Variants in NYX observed in about 807,000 individuals in gnomAD.
NYX encodes the protein leucine-rich repeat protein.
For missense variants in NYX, 481 were observed against 485.4 expected, an observed-to-expected ratio of 0.99 and a Z score of 0.09; for synonymous variants, 258 against 245.7, an observed-to-expected ratio of 1.05 and a Z score of -0.47.
chrX:41,470,732 ACT>A (rs762739389), intron 2 of NYX, among the ~76,000 whole-genome samples: 43 of 106,334 alleles, frequency 4.0e-4, no homozygotes, highest in African/African-American at 1.5e-3. Context: ...GCAGTATTTT[ACT>A]CTTTTTAAGT....
intron 2 of NYX, among the ~76,000 whole-genome samples, chrX:41,455,911 A>G (rs1318964069): frequency 8.9e-6 from 1 of 111,879 alleles, no homozygotes; most frequent in East Asian, 2.8e-4. Flanking sequence ...ATTTGGATTC[A>G]GCAAAACCAG....
At position 41,474,918 on chromosome X, in the gene NYX, A is replaced by T; in HGVS notation, c.*19A>T. The T allele has an allele frequency of 1.7e-6, 2 of 1,168,774 alleles. No homozygotes were observed. The highest frequency in any genetic ancestry group is 2.3e-6 in the Non-Finnish European group (2 of 864,316). ...GGACTGACCTGGCCAGAGGGGGGAA[A>T]GTTTGCTTAACTGGGCTTGAGTGTG... is the stretch of plus-strand genomic sequence containing the variant. On this transcript the variant is annotated 3_prime_UTR_variant, in exon 3 of 3. Transcript: ENST00000378220.
intron 2 of NYX, among the ~76,000 whole-genome samples, chrX:41,464,113 T>C (rs1209962410): frequency 1.0e-4 from 11 of 109,664 alleles, no homozygotes; most frequent in African/African-American, 3.0e-4. Context: ...CAAATTTTGC[T>C]TTTCATTCAG....
At chrX:41,467,831 T>A (rs190606662) in intron 2 of NYX, among the ~76,000 whole-genome samples, 2 of 110,063 alleles carry the variant, frequency 1.8e-5, no homozygotes, top group East Asian at 5.7e-4. Context: ...CTAATTTTTT[T>A]ATTTTTTATA....
At chrX:41,472,020 G>A (rs1374173073) in intron 2 of NYX, among the ~76,000 whole-genome samples, 13 of 110,432 alleles carry the variant, frequency 1.2e-4, no homozygotes, top group African/African-American at 4.3e-4. Context: ...CCATATTTCC[G>A]TAGAGTTCAG....
chrX:41,474,168 G>A lies in NYX; in HGVS notation c.700G>A (p.Asp234Asn). The A allele has an allele frequency of 8.7e-7, 1 of 1,152,476 alleles. No individual in the cohort carries two copies. Among genetic ancestry groups the A allele is most frequent in the Non-Finnish European group, 1.1e-6 (1 of 870,993 alleles). 95.0% of individuals were successfully genotyped at this position (1,152,476 alleles called of 1,213,427 possible). Residue 234 changes from aspartate (D) to asparagine (N), a missense_variant, in exon 3 of 3, where the codon GAC becomes AAC. Transcript: ENST00000378220. Reference protein sequence around the residue: ...CGVLEHLLLNDNLLAELPADA... With the variant: ...CGVLEHLLLNNNLLAELPADA... ...CGTCCTGGAGCATCTGCTGCTCAAC[G>A]ACAACCTGCTGGCCGAGCTCCCGGC... is the stretch of plus-strand genomic sequence containing the variant.
intron 2 of NYX, chrX:41,472,704 C>T: frequency 2.8e-6 from 1 of 351,738 alleles, no homozygotes; most frequent in South Asian, 7.6e-5. Context: ...TCCGCCGGCA[C>T]CCCGCAGTAG....
intron 2 of NYX, among the ~76,000 whole-genome samples, chrX:41,468,437 A>C (rs1211330611): frequency 9.1e-6 from 1 of 110,449 alleles, no homozygotes; most frequent in Non-Finnish European, 1.9e-5. Flanking sequence ...GACTACAGGC[A>C]CGCGCCACCA....
intron 2 of NYX, among the ~76,000 whole-genome samples, chrX:41,448,974 G>A (rs1177065064): frequency 1.8e-5 from 2 of 111,798 alleles, no homozygotes; most frequent in Non-Finnish European, 3.8e-5. Flanking sequence ...TGGAATTATA[G>A]GATTATGGAT....
At position 41,474,918 on chromosome X, in the gene NYX, A is replaced by G. The variant is rs2064384936; in HGVS notation, c.*19A>G. 1.7e-6 allele frequency: 2 copies of G among 1,168,770 alleles called. No individual in the cohort carries two copies. Among genetic ancestry groups the G allele is most frequent in the Non-Finnish European group, 2.3e-6 (2 of 864,313 alleles). On this transcript the variant is annotated 3_prime_UTR_variant, in exon 3 of 3. Transcript: ENST00000378220. ...GGACTGACCTGGCCAGAGGGGGGAA[A>G]GTTTGCTTAACTGGGCTTGAGTGTG...
intron 2 of NYX, among the ~76,000 whole-genome samples, chrX:41,451,409 G>A (rs2064279503): frequency 8.9e-6 from 1 of 111,946 alleles, no homozygotes; most frequent in African/African-American, 3.2e-5. Flanking sequence ...AACAAATTGA[G>A]GCACCTCTAT....
chrX:41,450,063 C>A (rs1286773291), intron 2 of NYX, among the ~76,000 whole-genome samples: 1 of 111,393 alleles, frequency 9.0e-6, no homozygotes, highest in Admixed American at 9.6e-5. Context: ...AAGAGAAATT[C>A]TCCTCTGGAC....
chrX:41,466,053 T>C (rs2064336837), intron 2 of NYX, among the ~76,000 whole-genome samples: 1 of 111,604 alleles, frequency 9.0e-6, no homozygotes, highest in Non-Finnish European at 1.9e-5. Flanking sequence ...CCAGCCACTG[T>C]GGCAGCTATA....
At chrX:41,468,290 ATTT>A (rs11408249) in intron 2 of NYX, among the ~76,000 whole-genome samples, 1,044 of 85,873 alleles carry the variant, frequency 0.012, 10 homozygotes, top group African/African-American at 0.036. Flanking sequence ...TTGACAAATA[ATTT>A]TTTTTTTTTT....
chrX:41,471,843 T>A (rs1458904177), intron 2 of NYX, among the ~76,000 whole-genome samples: 2 of 108,346 alleles, frequency 1.8e-5, no homozygotes, highest in East Asian at 2.9e-4. Flanking sequence ...ATTTTTTTTT[T>A]TTTTTCCCCT....
At chrX:41,473,399 C>A in intron 2 of NYX, 92 bp from the exon 3 acceptor site, 3 of 873,622 alleles carry the variant, frequency 3.4e-6, no homozygotes, top group Non-Finnish European at 4.2e-6. Flanking sequence ...CCCGGACAGG[C>A]AGGATTTTTC....
In NYX at chrX:41,473,613, C is replaced by T; in HGVS notation, c.145C>T (p.Leu49=). ...GGTGCGCTGCGACCGCGCGGGCCTC[C>T]TGCGGGTGCCGGCCGAGCTCCCGTG... is the stretch of plus-strand genomic sequence containing the variant. ...CSVRCDRAGL[L]RVPAELPCEA... is the part of the protein sequence containing the mutation. The change falls in exon 3 of 3, where the codon CTG becomes TTG. Residue 49 remains leucine, a synonymous_variant. Coordinates refer to ENST00000378220, the MANE Select transcript of NYX (RefSeq NM_001378477.3). 1 of 1,046,788 alleles carries T rather than the reference C, an allele frequency of 9.6e-7. No homozygotes were observed. The highest frequency in any genetic ancestry group is 1.2e-6 in the Non-Finnish European group (1 of 815,518). The allele number at this position is 1,046,788 out of a possible 1,213,427, so 86.3% of individuals were successfully genotyped here.
intron 2 of NYX, among the ~76,000 whole-genome samples, chrX:41,465,462 G>C (rs5963995): frequency 9.2e-6 from 1 of 109,093 alleles, no homozygotes. Context: ...CTGAGGCATG[G>C]TCCTTTGGGG....
rs1250306338 is a variant in NYX, at chrX:41,473,608, G to T, written c.140G>T (p.Gly47Val). The change falls in exon 3 of 3, where the codon GGC becomes GTC. Residue 47 changes from glycine to valine, a missense_variant. Coordinates refer to ENST00000378220, the MANE Select transcript of NYX (RefSeq NM_001378477.3). ...TGCTCGGTGCGCTGCGACCGCGCGG[G>T]CCTCCTGCGGGTGCCGGCCGAGCTC... ...RGCSVRCDRA[G>V]LLRVPAELPC... The T allele has an allele frequency of 1.9e-6, 2 of 1,037,944 alleles. No homozygotes were observed. Among genetic ancestry groups the T allele is most frequent in the African/African-American group, 4.0e-5 (2 of 49,747 alleles). The allele number at this position is 1,037,944 out of a possible 1,213,427, so 85.5% of individuals were successfully genotyped here. A position where few individuals can be genotyped will look rare whatever the true frequency, so the allele number is the denominator to read the frequency against.
Sources: allele counts gnomAD v4.1 joint callset (sites outside exome capture counted in the v4.1 genomes callset), GRCh38; gene constraint gnomAD v4.1.1; transcripts MANE v1.5; gene names NCBI Gene and HGNC (gene_info 2026-07-23, HGNC 2026-07-21).